Variants in ANKRD18B observed in about 807,000 individuals in gnomAD.
ANKRD18B encodes the protein ankyrin repeat domain-containing protein 18B.
ANKRD18B carries 75 observed loss-of-function variants against 111.8 expected under a neutral mutation model. The observed-to-expected ratio is 0.67, with a 90% CI of 0.56 to 0.81. The LOEUF (loss-of-function observed/expected upper bound fraction) is 0.81. ANKRD18B is among the 40% of genes least tolerant of loss of function. ANKRD18B has a pLI of 0.00. For synonymous variants in ANKRD18B, 356 were observed against 417.3 expected, an observed-to-expected ratio of 0.85 and a Z score of 1.79; for missense variants, 1,038 against 1,225.5, an observed-to-expected ratio of 0.85 and a Z score of 2.28.
At chr9:33,534,235 C>CATAAGCTAGTACATGTAAATGGTT (rs1828160871) in intron 4 of ANKRD18B, 135 bp from the exon 5 acceptor site, 1 of 1,210,600 alleles carries the variant, frequency 8.3e-7, no homozygotes, top group African/African-American at 1.6e-5. Flanking sequence ...TGCTTATACA[C>CATAAGCTAGTACATGTAAATGGTT]ATAAGCTAGT....
In ANKRD18B at chr9:33,572,314, A is replaced by G. The variant is rs1554649156; in HGVS notation, c.3224-2A>G. On this transcript the variant is annotated splice_acceptor_variant, in intron 18 of 18. Coordinates refer to ENST00000684830, the MANE Select transcript of ANKRD18B (RefSeq NM_001393611.1). LOFTEE classifies it high-confidence loss of function. ...AACATAATCCTTTCTTTTTCTTTCC[A>G]GCTTTTGCTGCGTTGGGCCCTTGCT... is the stretch of plus-strand genomic sequence containing the variant. 4 of 1,608,254 alleles carry G rather than the reference A, an allele frequency of 2.5e-6. No homozygotes were observed. Among genetic ancestry groups the G allele is most frequent in the Non-Finnish European group, 3.4e-6 (4 of 1,176,224 alleles).
At chr9:33,534,538 A>C (rs1372351685) in intron 5 of ANKRD18B, 31 bp downstream of exon 5, 1 of 1,492,704 alleles carries the variant, frequency 6.7e-7, no homozygotes, top group South Asian at 1.4e-5. Context: ...ACCGGTTAAT[A>C]CTAAATTAAG....
rs57494608 is a variant in ANKRD18B at position 33,533,884 on chromosome 9, CATTATTATT to C, written c.602+369_602+377del. Reference sequence around the variant, plus strand: ...TTACAACTACTACTATTACCATTATCATTATTATTATTATTATTATTATTATTATTATTA... The same window carrying C: ...TTACAACTACTACTATTACCATTATCATTATTATTATTATTATTATTATTA... On this transcript the variant is annotated intron_variant, in intron 4 of 18. Coordinates refer to ENST00000684830, the MANE Select transcript of ANKRD18B (RefSeq NM_001393611.1). The C allele has an allele frequency of 8.7e-3, 1,110 of 128,086 alleles. 9 individuals are homozygous for C. The highest frequency in any genetic ancestry group is 0.025 in the African/African-American group (938 of 37,314). 7.9% of individuals were successfully genotyped at this position (128,086 alleles called of 1,614,324 possible). A position where few individuals can be genotyped will look rare whatever the true frequency, so the allele number is the denominator to read the frequency against.
chr9:33,563,076 C>A (rs973655338), intron 14 of ANKRD18B, among the ~76,000 whole-genome samples: 1 of 152,126 alleles, frequency 6.6e-6, no homozygotes, highest in Admixed American at 6.6e-5. Flanking sequence ...AAAGTTCCTC[C>A]TCAGCAGCTT....
At chr9:33,524,764 G>A (rs1005890554) in intron 1 of ANKRD18B, 69 bp downstream of exon 1, 2 of 1,496,832 alleles carry the variant, frequency 1.3e-6, no homozygotes, top group East Asian at 5.0e-5. Context: ...CCTGAGGCGG[G>A]GTCGTCGGAG....
chr9:33,533,382 G>A, intron 3 of ANKRD18B, 57 bp from the exon 4 acceptor site: 1 of 1,499,052 alleles, frequency 6.7e-7, no homozygotes, highest in Non-Finnish European at 8.9e-7. Flanking sequence ...AAGATTTTTA[G>A]TTCAGTGGAG....
chr9:33,562,062 G>A (rs1452418524), intron 14 of ANKRD18B, among the ~76,000 whole-genome samples: 5 of 151,872 alleles, frequency 3.3e-5, no homozygotes, highest in Non-Finnish European at 7.4e-5. Flanking sequence ...AGACATGATG[G>A]CAAGTCAGGC....
chr9:33,525,858 A>C (rs971699361), intron 1 of ANKRD18B, among the ~76,000 whole-genome samples: 13 of 150,358 alleles, frequency 8.6e-5, no homozygotes, highest in African/African-American at 3.2e-4. Context: ...ATGTATAACA[A>C]ATTGTATATA....
At chr9:33,527,609 C>G (rs540653410) in intron 1 of ANKRD18B, among the ~76,000 whole-genome samples, 1 of 152,180 alleles carries the variant, frequency 6.6e-6, no homozygotes, top group Non-Finnish European at 1.5e-5. Context: ...CGTGAGCCAC[C>G]GCGCCCGGCC....
chr9:33,572,468 A>G lies in ANKRD18B; in HGVS notation c.*34A>G. On this transcript the variant is annotated 3_prime_UTR_variant, in exon 19 of 19. Transcript: ENST00000684830. ...AAAACTTTATTACTGGGCTATTTAC[A>G]TGAAATTTTAATTGTTTCTCATAAA... The G allele has an allele frequency of 6.9e-7, 1 of 1,446,434 alleles. No homozygotes were observed. Among genetic ancestry groups the G allele is most frequent in the Non-Finnish European group, 9.2e-7 (1 of 1,081,514 alleles). The allele number at this position is 1,446,434 out of a possible 1,614,324, so 89.6% of individuals were successfully genotyped here.
At chr9:33,534,876 C>T (rs1406454364) in intron 5 of ANKRD18B, among the ~76,000 whole-genome samples, 1 of 142,212 alleles carries the variant, frequency 7.0e-6, no homozygotes, top group Non-Finnish European at 1.5e-5. Flanking sequence ...GCTCATGTTC[C>T]TGAGTTCAAG....
intron 3 of ANKRD18B, among the ~76,000 whole-genome samples, chr9:33,533,187 G>T (rs1307895239): frequency 6.6e-6 from 1 of 152,176 alleles, no homozygotes; most frequent in East Asian, 1.9e-4. Context: ...TGCTGAGATA[G>T]AAGCAAGGAT....
intron 16 of ANKRD18B, 51 bp from the exon 17 acceptor site, chr9:33,568,620 T>A: frequency 7.0e-7 from 1 of 1,424,818 alleles, no homozygotes; most frequent in Non-Finnish European, 9.3e-7. Context: ...TCATTAAGAA[T>A]CATTCAAGGT....
At chr9:33,538,259 A>G (rs1392075946) in intron 6 of ANKRD18B, among the ~76,000 whole-genome samples, 1 of 152,236 alleles carries the variant, frequency 6.6e-6, no homozygotes, top group African/African-American at 2.4e-5. Context: ...AATGCAGAAG[A>G]CAGAAAAGTA....
At chr9:33,531,959 A>G (rs1487758769) in intron 3 of ANKRD18B, among the ~76,000 whole-genome samples, 1 of 152,094 alleles carries the variant, frequency 6.6e-6, no homozygotes, top group Non-Finnish European at 1.5e-5. Context: ...TGACAGCTGG[A>G]TGCGATGGCT....
chr9:33,558,361 C>T (rs1828558216), intron 14 of ANKRD18B, among the ~76,000 whole-genome samples, 174 bp downstream of exon 14: 1 of 152,080 alleles, frequency 6.6e-6, no homozygotes, highest in Non-Finnish European at 1.5e-5. Context: ...CCCTCCTGAC[C>T]CCAACAAGCC....
At chr9:33,569,479 G>A (rs1828737341) in intron 17 of ANKRD18B, among the ~76,000 whole-genome samples, 1 of 151,784 alleles carries the variant, frequency 6.6e-6, no homozygotes, top group African/African-American at 2.4e-5. Flanking sequence ...TGGCCAGGCA[G>A]GTCTCGAACT....
chr9:33,553,519 G>C (rs1392508647), intron 12 of ANKRD18B, among the ~76,000 whole-genome samples: 1 of 152,068 alleles, frequency 6.6e-6, no homozygotes, highest in African/African-American at 2.4e-5. Flanking sequence ...TTCTCCAGAA[G>C]GTTCTTATTT....
chr9:33,567,100 T>G lies in ANKRD18B; in HGVS notation c.2743-3T>G, dbSNP rs1828696639. ...AAAAGTGTATTCTTTTCATTTGTTT[T>G]AGAAACAAGCAGAATATGAAAAACA... is the stretch of plus-strand genomic sequence containing the variant. On this transcript the variant is annotated splice_region_variant and splice_polypyrimidine_tract_variant and intron_variant, in intron 15 of 18. Coordinates refer to ENST00000684830, the MANE Select transcript of ANKRD18B (RefSeq NM_001393611.1). 1 of 1,520,584 alleles carries G rather than the reference T, an allele frequency of 6.6e-7. No homozygotes were observed. The highest frequency in any genetic ancestry group is 8.8e-7 in the Non-Finnish European group (1 of 1,135,836). 94.2% of individuals were successfully genotyped at this position (1,520,584 alleles called of 1,614,324 possible). A position where few individuals can be genotyped will look rare whatever the true frequency, so the allele number is the denominator to read the frequency against.
Sources: allele counts gnomAD v4.1 joint callset (sites outside exome capture counted in the v4.1 genomes callset), GRCh38; gene constraint gnomAD v4.1.1; transcripts MANE v1.5; gene names NCBI Gene and HGNC (gene_info 2026-07-23, HGNC 2026-07-21).